The following TMEM260 variants were observed in gnomAD, a reference collection of about 807,000 sequenced individuals.
TMEM260 encodes transmembrane protein 260.
Under a neutral mutation model 88.9 loss-of-function variants are expected in TMEM260, and 82 were observed. That is an observed-to-expected ratio of 0.92 (90% confidence interval 0.77 to 1.11). The LOEUF (loss-of-function observed/expected upper bound fraction) is 1.11. TMEM260 is among the 50% of genes least tolerant of loss of function. The pLI, the probability that TMEM260 is intolerant of heterozygous loss-of-function variation, is 0.00. For synonymous variants in TMEM260, 314 were observed against 309.3 expected (o/e 1.02, Z -0.16); for missense variants, 902 against 853.4 (o/e 1.06, Z -0.71).
downstream of TMEM260, among the ~76,000 whole-genome samples, chr14:56,653,131 TAAA>T (rs34415939): frequency 6.6e-6 from 1 of 151,508 alleles, no homozygotes; most frequent in African/African-American, 2.4e-5. Flanking sequence ...CCGTCTCTAC[TAAA>T]AAATACAAAA....
At chr14:56,617,018 A>T (rs977021718) in intron 8 of TMEM260, among the ~76,000 whole-genome samples, 165 bp from the exon 9 acceptor site, 2 of 152,082 alleles carry the variant, frequency 1.3e-5, no homozygotes, top group African/African-American at 4.8e-5. Flanking sequence ...TTATTATTAT[A>T]TTTTGGTTAT....
At chr14:56,597,426 A>C (rs1313912216) in intron 3 of TMEM260, among the ~76,000 whole-genome samples, 1 of 152,230 alleles carries the variant, frequency 6.6e-6, no homozygotes, top group East Asian at 1.9e-4. Flanking sequence ...CTCATTTGCA[A>C]AGAAACCCCG....
intron 12 of TMEM260, among the ~76,000 whole-genome samples, chr14:56,631,906 C>A (rs1178907592): frequency 6.6e-6 from 1 of 152,162 alleles, no homozygotes; most frequent in Admixed American, 6.5e-5. Flanking sequence ...AGTGTGACAA[C>A]TGTCTGACCA....
intron 11 of TMEM260, among the ~76,000 whole-genome samples, chr14:56,623,738 C>T (rs1445947946): frequency 6.6e-6 from 1 of 152,124 alleles, no homozygotes; most frequent in Non-Finnish European, 1.5e-5. Flanking sequence ...AGAACCAGAA[C>T]TATTGGGTAA....
chr14:56,642,608 CA>C (rs1192616630), intron 15 of TMEM260, among the ~76,000 whole-genome samples: 4 of 152,018 alleles, frequency 2.6e-5, no homozygotes, highest in Non-Finnish European at 5.9e-5. Flanking sequence ...GCTAGAGAAG[CA>C]AGAGCAAACA....
At chr14:56,591,613 A>G (rs1019790417) in intron 3 of TMEM260, among the ~76,000 whole-genome samples, 2 of 152,218 alleles carry the variant, frequency 1.3e-5, no homozygotes, top group Non-Finnish European at 2.9e-5. Context: ...TGAATGCAAA[A>G]TACATTTTGA....
intron 5 of TMEM260, among the ~76,000 whole-genome samples, chr14:56,608,434 C>T (rs1213422879): frequency 6.6e-6 from 1 of 151,956 alleles, no homozygotes; most frequent in Non-Finnish European, 1.5e-5. Flanking sequence ...CGATATTGTC[C>T]TTTAAGAAAA....
chr14:56,631,339 T>G (rs1467202009), intron 12 of TMEM260, among the ~76,000 whole-genome samples: 1 of 152,150 alleles, frequency 6.6e-6, no homozygotes, highest in Non-Finnish European at 1.5e-5. Flanking sequence ...ATGTGCAGTG[T>G]GGGCCAGGTG....
chr14:56,653,742 A>AAAAAAAAAAAAAACAAAC (rs1382046092), downstream of TMEM260, among the ~76,000 whole-genome samples: 1 of 65,802 alleles, frequency 1.5e-5, no homozygotes, highest in Non-Finnish European at 4.2e-5. Flanking sequence ...TCTCCAAAAC[A>AAAAAAAAAAAAAACAAAC]AAAAAAAAAA....
At chr14:56,641,096 A>G (rs140481856) in intron 15 of TMEM260, among the ~76,000 whole-genome samples, 1 of 151,402 alleles carries the variant, frequency 6.6e-6, no homozygotes, top group Non-Finnish European at 1.5e-5. Flanking sequence ...ACTCTGCAGG[A>G]TACTATCTAG....
At position 56,647,299 on chromosome 14, in the gene TMEM260, C is replaced by CTA; in HGVS notation, c.1928_1929dup (p.Ala644MetfsTer46). 8.7e-6 allele frequency: 14 copies of CTA among 1,614,068 alleles called. No individual in the cohort carries two copies. Among genetic ancestry groups the CTA allele is most frequent in the Non-Finnish European group, 1.1e-5 (13 of 1,179,954 alleles). ...AGCACCCAGTGAATTGGCACAAGAA[C>CTA]TATGCCATCGCCTGTGAGCGGATGC... On this transcript the variant is annotated frameshift_variant, in exon 16 of 16. Coordinates refer to ENST00000261556, the MANE Select transcript of TMEM260 (RefSeq NM_017799.4). LOFTEE classifies it high-confidence loss of function.
intron 5 of TMEM260, among the ~76,000 whole-genome samples, chr14:56,608,783 T>A (rs1887069174): frequency 6.6e-6 from 1 of 152,198 alleles, no homozygotes; most frequent in Non-Finnish European, 1.5e-5. Context: ...TCCAGGCAGG[T>A]TATCTTAGCT....
rs913716693 is a variant in TMEM260, at chr14:56,621,394, C to T, written c.1227-137C>T. The T allele has an allele frequency of 8.4e-6, 5 of 596,186 alleles. No homozygotes were observed. In the African/African-American group the frequency reaches 9.4e-5, roughly 11 times the overall value. 36.9% of individuals were successfully genotyped at this position (596,186 alleles called of 1,614,324 possible). On this transcript the variant is annotated intron_variant, in intron 10 of 15. Transcript: ENST00000261556. ...TGATAGTATTCTCTCTTCAAATATA[C>T]ATATTATTTTAGAATGTATTGAAAC... is the stretch of plus-strand genomic sequence containing the variant.
the TMEM260 span, among the ~76,000 whole-genome samples, chr14:56,659,470 G>A: frequency 9.8e-5 from 15 of 152,306 alleles, no homozygotes; most frequent in African/African-American, 3.4e-4. Flanking sequence ...AGGGTAGGTA[G>A]CTCTCGACCC....
At chr14:56,593,008 A>G (rs1194093081) in intron 3 of TMEM260, 1 of 152,266 alleles carries the variant, frequency 6.6e-6, no homozygotes, top group African/African-American at 2.4e-5. Flanking sequence ...GTGACTACAC[A>G]TGAAAATCAA....
chr14:56,643,294 C>G (rs1889732108), intron 15 of TMEM260, among the ~76,000 whole-genome samples: 1 of 152,202 alleles, frequency 6.6e-6, no homozygotes, highest in Non-Finnish European at 1.5e-5. Flanking sequence ...AGCAACACAT[C>G]ACAAAGCTTA....
intron 15 of TMEM260, among the ~76,000 whole-genome samples, chr14:56,638,003 TGAGG>T (rs1255137810): frequency 6.6e-6 from 1 of 150,778 alleles, no homozygotes; most frequent in African/African-American, 2.4e-5. Context: ...AGTAGGCTGG[TGAGG>T]GAGGGAGGAA....
At position 56,634,861 on chromosome 14, in the gene TMEM260, G is replaced by T. The variant is rs756632189; in HGVS notation, c.1725-38G>T. ...CTGTCTCAAAAAAAAAAAAAAAGTG[G>T]GTGACAGAAAGATATTACTGTTTTC... is the stretch of plus-strand genomic sequence containing the variant. On this transcript the variant is annotated intron_variant, in intron 13 of 15. Coordinates refer to ENST00000261556, the MANE Select transcript of TMEM260 (RefSeq NM_017799.4). The T allele has an allele frequency of 1.7e-5, 26 of 1,572,754 alleles. No individual in the cohort carries two copies. In the African/African-American group the frequency reaches 3.0e-4, roughly 18 times the overall value.
downstream of TMEM260, among the ~76,000 whole-genome samples, chr14:56,653,484 A>G (rs994789469): frequency 6.6e-6 from 1 of 152,000 alleles, no homozygotes; most frequent in East Asian, 1.9e-4. Flanking sequence ...CCATAATTCC[A>G]GCCCTTTGAG....
Sources: gnomAD v4.1 joint callset for allele counts (sites outside exome capture counted in the v4.1 genomes callset) on GRCh38, gnomAD v4.1.1 for gene constraint, MANE v1.5 for transcripts, NCBI Gene and HGNC (gene_info 2026-07-23, HGNC 2026-07-21) for gene names.